HPSE2: variants seen among roughly 807,000 people sequenced by gnomAD.
The protein encoded by HPSE2 is inactive heparanase-2.
A neutral mutation model predicts 60.5 loss-of-function variants in HPSE2; 38 were observed. The ratio of observed to expected loss-of-function variants is 0.63; its 90% confidence interval spans 0.48 to 0.82. The LOEUF is 0.82. Ranked by LOEUF, HPSE2 falls within the 40% of genes least tolerant of loss-of-function variation. The pLI is 0.00. For missense variants in HPSE2, 713 were observed against 740.4 expected, an observed-to-expected ratio of 0.96 and a Z score of 0.43; for synonymous variants, 295 against 293.2, an observed-to-expected ratio of 1.01 and a Z score of -0.06.
intron 3 of HPSE2, among the ~76,000 whole-genome samples, chr10:98,834,185 A>G (rs1951742576): frequency 6.6e-6 from 1 of 152,172 alleles, no homozygotes; most frequent in African/African-American, 2.4e-5. Context: ...AGGACTCAGA[A>G]GACAATTTCA....
chr10:98,917,060 G>A (rs1477029181), intron 3 of HPSE2, among the ~76,000 whole-genome samples: 2 of 152,092 alleles, frequency 1.3e-5, no homozygotes, highest in Admixed American at 6.6e-5. Flanking sequence ...CTATTACAAG[G>A]GTTGTGCTGG....
chr10:98,900,316 C>T (rs1275873207), intron 3 of HPSE2, among the ~76,000 whole-genome samples: 1 of 152,036 alleles, frequency 6.6e-6, no homozygotes, highest in African/African-American at 2.4e-5. Context: ...GAAGCCAAAA[C>T]CCAGTACAAA....
At chr10:98,542,305 A>G (rs1320503526) in intron 9 of HPSE2, among the ~76,000 whole-genome samples, 1 of 152,222 alleles carries the variant, frequency 6.6e-6, no homozygotes, top group Non-Finnish European at 1.5e-5. Context: ...CAGAAAGGAC[A>G]TCCACACCAA....
intron 3 of HPSE2, among the ~76,000 whole-genome samples, chr10:98,938,299 G>A (rs955826310): frequency 6.9e-6 from 1 of 144,502 alleles, no homozygotes; most frequent in Non-Finnish European, 1.5e-5. Context: ...CCGAGCTACA[G>A]GAGGAAATTC....
intron 3 of HPSE2, among the ~76,000 whole-genome samples, chr10:98,801,289 T>C (rs10786472): frequency 0.038 from 5,761 of 152,010 alleles, 233 homozygotes; most frequent in East Asian, 0.17. Context: ...TTTCCTCTAA[T>C]ATATGGAACA....
intron 3 of HPSE2, chr10:99,048,000 C>T: frequency 1.4e-6 from 1 of 699,038 alleles, no homozygotes; most frequent in South Asian, 1.5e-5. Flanking sequence ...TTCAATGAAA[C>T]CTTTGCGAAG....
chr10:98,560,162 C>T (rs17538604), intron 9 of HPSE2, among the ~76,000 whole-genome samples: 10,487 of 152,212 alleles, frequency 0.069, 421 homozygotes, highest in Middle Eastern at 0.099. Flanking sequence ...CTCTCTGAGT[C>T]GCTTAGTTTC....
chr10:99,105,377 A>G (rs1345931675), intron 3 of HPSE2, among the ~76,000 whole-genome samples: 2 of 151,748 alleles, frequency 1.3e-5, no homozygotes, highest in African/African-American at 2.4e-5. Context: ...CCATTTGAAT[A>G]TCTTCTTTGG....
chr10:99,046,726 A>C (rs1327397348), intron 3 of HPSE2, among the ~76,000 whole-genome samples: 1 of 152,126 alleles, frequency 6.6e-6, no homozygotes, highest in Non-Finnish European at 1.5e-5. Flanking sequence ...TCCCATTTAC[A>C]ACAGCCACAA....
At chr10:98,517,626 A>G (rs1942645917) in intron 9 of HPSE2, among the ~76,000 whole-genome samples, 1 of 152,208 alleles carries the variant, frequency 6.6e-6, no homozygotes, top group Non-Finnish European at 1.5e-5. Flanking sequence ...TCACCCAGCC[A>G]ACTAAGGTTT....
At chr10:98,966,646 C>A (rs879326007) in intron 3 of HPSE2, among the ~76,000 whole-genome samples, 3 of 152,130 alleles carry the variant, frequency 2.0e-5, no homozygotes, top group Non-Finnish European at 4.4e-5. Flanking sequence ...TGTGACGCGC[C>A]CCCTCAACTC....
At position 99,235,662 on chromosome 10, in the gene HPSE2, C is replaced by A; in HGVS notation, c.141G>T (p.Leu47Phe). The A allele has an allele frequency of 1.2e-6, 2 of 1,613,930 alleles. No individual in the cohort carries two copies. The highest frequency in any genetic ancestry group is 1.1e-5 in the South Asian group (1 of 91,060). Residue 47 changes from leucine to phenylalanine, a missense_variant, in exon 1 of 12, where the codon TTG becomes TTT. Coordinates refer to ENST00000370552, the MANE Select transcript of HPSE2 (RefSeq NM_021828.5). The part of the protein sequence containing the change: ...LSSQAGDRRP[L>F]PVDRAAGLKE... ...TCAAACCTGCAGCTCTGTCTACAGG[C>A]AAGGGTCTCCTGTCTCCAGCCTGGG...
At chr10:99,251,272 A>G in the HPSE2 span, among the ~76,000 whole-genome samples, 1 of 152,198 alleles carries the variant, frequency 6.6e-6, no homozygotes, top group African/African-American at 2.4e-5. Context: ...GAATCATACA[A>G]TCTCTCAAAA....
At chr10:99,015,324 A>G (rs1224236939) in intron 3 of HPSE2, among the ~76,000 whole-genome samples, 1 of 152,198 alleles carries the variant, frequency 6.6e-6, no homozygotes, top group African/African-American at 2.4e-5. Flanking sequence ...CTGGGTATAT[A>G]TCCAAAGGAT....
At chr10:98,484,500 G>A (rs1941367333) in intron 10 of HPSE2, among the ~76,000 whole-genome samples, 1 of 152,218 alleles carries the variant, frequency 6.6e-6, no homozygotes, top group South Asian at 2.1e-4. Context: ...GCCTCCCAAA[G>A]GGCTGGGATT....
intron 3 of HPSE2, among the ~76,000 whole-genome samples, chr10:99,003,990 T>C (rs1167969714): frequency 6.6e-6 from 1 of 152,124 alleles, no homozygotes; most frequent in Non-Finnish European, 1.5e-5. Context: ...AAGGTTTTAA[T>C]TTCATTCTAG....
chr10:99,159,728 A>T (rs376282708), intron 2 of HPSE2, among the ~76,000 whole-genome samples: 1 of 152,228 alleles, frequency 6.6e-6, no homozygotes, highest in South Asian at 2.1e-4. Flanking sequence ...TATAAGAAAA[A>T]ATATTTGTAT....
At chr10:98,514,069 C>T (rs1413817931) in intron 9 of HPSE2, among the ~76,000 whole-genome samples, 1 of 151,988 alleles carries the variant, frequency 6.6e-6, no homozygotes, top group Non-Finnish European at 1.5e-5. Context: ...TATTTATATA[C>T]ATACATAAAT....
intron 3 of HPSE2, among the ~76,000 whole-genome samples, chr10:98,799,995 T>C (rs914025601): frequency 2.0e-5 from 3 of 152,072 alleles, no homozygotes; most frequent in Non-Finnish European, 2.9e-5. Flanking sequence ...AAACAAAAAG[T>C]TGTTTTTTTG....
Sources: gnomAD v4.1 joint callset for allele counts (sites outside exome capture counted in the v4.1 genomes callset) on GRCh38, gnomAD v4.1.1 for gene constraint, MANE v1.5 for transcripts, NCBI Gene and HGNC (gene_info 2026-07-23, HGNC 2026-07-21) for gene names.